RABGEF1: variants seen among roughly 807,000 people sequenced by gnomAD.
The protein encoded by RABGEF1 is rab5 GDP/GTP exchange factor.
Under a neutral mutation model 57.3 loss-of-function variants are expected in RABGEF1, and 26 were observed. That is an observed-to-expected ratio of 0.45 (90% CI 0.33 to 0.63). The LOEUF is 0.63. Among genes scored for constraint, RABGEF1 ranks in the 20% least tolerant of loss-of-function variants. The probability of loss-of-function intolerance (pLI) is 0.02; values close to 1 mark genes in which losing one functional copy is unlikely to be tolerated. For synonymous variants in RABGEF1, 185 were observed against 210.7 expected (o/e 0.88, Z 1.06); for missense variants, 464 against 607.6 (o/e 0.76, Z 2.48).
rs1284822357 is a variant in RABGEF1, at chr7:66,772,076, G to A, written c.177G>A (p.Glu59=). 1 of 1,525,900 alleles carries A rather than the reference G, an allele frequency of 6.6e-7. No homozygotes were observed. The highest frequency in any genetic ancestry group is 8.8e-7 in the Non-Finnish European group (1 of 1,134,314). 94.5% of individuals were successfully genotyped at this position (1,525,900 alleles called of 1,614,324 possible). The part of the protein sequence containing the change: ...KQIQEDWELA[E]RLQREEEEAF... ...TTCAGGAGGACTGGGAGCTGGCGGA[G>A]CGGTAAAAGGACTTAACTAGGGGCG... Residue 59 remains glutamate, a splice_region_variant and synonymous_variant, in exon 2 of 9, where the codon GAG becomes GAA. Transcript: ENST00000284957.
At chr7:66,795,737 AT>A in intron 5 of RABGEF1, 145 bp downstream of exon 5, 1 of 753,656 alleles carries the variant, frequency 1.3e-6, no homozygotes, top group Non-Finnish European at 2.3e-6. Flanking sequence ...AACTGGTCTT[AT>A]ACTTAGCAGT....
upstream of RABGEF1, chr7:66,740,020 C>G (rs533572507): frequency 2.3e-4 from 35 of 152,348 alleles, no homozygotes; most frequent in African/African-American, 8.2e-4. Context: ...GTCACCCGGC[C>G]TGGAGTTCAG....
intron 1 of RABGEF1, among the ~76,000 whole-genome samples, chr7:66,753,695 G>T (rs1801969299): frequency 7.8e-6 from 1 of 128,490 alleles, no homozygotes. Context: ...TGTCTATTTT[G>T]CCATCGTTTT....
intron 2 of RABGEF1, among the ~76,000 whole-genome samples, chr7:66,730,310 C>T (rs781338543): frequency 5.3e-5 from 8 of 152,182 alleles, no homozygotes; most frequent in Non-Finnish European, 5.9e-5. Context: ...TTCTGCTGAG[C>T]GCCAGCTTCC....
chr7:66,668,767 A>G, the RABGEF1 span: 1 of 152,192 alleles, frequency 6.6e-6, no homozygotes, highest in Non-Finnish European at 1.5e-5. Flanking sequence ...CTGGAAGATC[A>G]CCTCTTAGGC....
chr7:66,787,407 G>C (rs1315441423), intron 4 of RABGEF1, among the ~76,000 whole-genome samples: 2 of 144,938 alleles, frequency 1.4e-5, no homozygotes, highest in East Asian at 4.1e-4. Flanking sequence ...GCAGTGGCGT[G>C]ATTTCGGCTC....
intron 1 of RABGEF1, among the ~76,000 whole-genome samples, chr7:66,709,233 T>A (rs918544827): frequency 5.3e-5 from 8 of 152,126 alleles, no homozygotes; most frequent in African/African-American, 1.9e-4. Flanking sequence ...GGTCTCGAAA[T>A]CCTGACCTCA....
At position 66,795,498 on chromosome 7, in the gene RABGEF1, C is replaced by G; in HGVS notation, c.514-13C>G. ...GTTCAGCTACAAGCAGCCTCTTTGT[C>G]TCTCTGTTTCAGGATCTAAGCATTG... On this transcript the variant is annotated splice_polypyrimidine_tract_variant and intron_variant, in intron 4 of 8. Coordinates refer to ENST00000284957, the MANE Select transcript of RABGEF1 (RefSeq NM_014504.3). 6.3e-7 allele frequency: 1 copy of G among 1,593,922 alleles called. No homozygotes were observed. Among genetic ancestry groups the G allele is most frequent in the Non-Finnish European group, 8.6e-7 (1 of 1,161,634 alleles).
chr7:66,689,983 A>G (rs1306465727), intron 1 of RABGEF1, among the ~76,000 whole-genome samples: 2 of 152,176 alleles, frequency 1.3e-5, no homozygotes, highest in African/African-American at 2.4e-5. Flanking sequence ...CTTGAAGAGG[A>G]GGAAATACTT....
chr7:66,769,185 T>G (rs1180908624), intron 1 of RABGEF1, among the ~76,000 whole-genome samples: 3 of 152,212 alleles, frequency 2.0e-5, no homozygotes, highest in Non-Finnish European at 4.4e-5. Flanking sequence ...GACAGCTGGG[T>G]GATACTTCCA....
At chr7:66,656,381 G>T in the RABGEF1 span, among the ~76,000 whole-genome samples, 1 of 151,898 alleles carries the variant, frequency 6.6e-6, no homozygotes, top group African/African-American at 2.4e-5. Flanking sequence ...GTCTCCCAAT[G>T]TGCTGAAATT....
At chr7:66,777,351 C>A (rs1808797433) in intron 3 of RABGEF1, among the ~76,000 whole-genome samples, 1 of 152,074 alleles carries the variant, frequency 6.6e-6, no homozygotes, top group African/African-American at 2.4e-5. Context: ...TGAGTTTGTG[C>A]ATGAGAACTC....
chr7:66,746,550 A>G (rs2129055378), intron 1 of RABGEF1, among the ~76,000 whole-genome samples: 1 of 151,504 alleles, frequency 6.6e-6, no homozygotes, highest in Non-Finnish European at 1.5e-5. Flanking sequence ...CGGCCTCCCA[A>G]AGTGCTGCGA....
At chr7:66,749,339 T>C (rs2129058741) in intron 1 of RABGEF1, among the ~76,000 whole-genome samples, 1 of 152,328 alleles carries the variant, frequency 6.6e-6, no homozygotes, top group South Asian at 2.1e-4. Context: ...AAACAGTGGG[T>C]GAAACTGCCC....
chr7:66,735,684 C>A (rs1457068524), intron 2 of RABGEF1, among the ~76,000 whole-genome samples: 2 of 151,860 alleles, frequency 1.3e-5, no homozygotes, highest in Non-Finnish European at 1.5e-5. Context: ...GCACCTCCCC[C>A]TCTCTCTCTC....
chr7:66,683,178 A>G (rs117296219), intron 1 of RABGEF1, among the ~76,000 whole-genome samples: 2,239 of 152,060 alleles, frequency 0.015, 62 homozygotes, highest in East Asian at 0.093. Context: ...GGATCTCACA[A>G]TGTTACCCAG....
the RABGEF1 span, among the ~76,000 whole-genome samples, chr7:66,655,211 A>G: frequency 1.3e-5 from 2 of 152,142 alleles, no homozygotes; most frequent in African/African-American, 2.4e-5. Context: ...GCTGAGGGCG[A>G]GGCTGCAGGG....
intron 1 of RABGEF1, among the ~76,000 whole-genome samples, chr7:66,685,061 G>C (rs1790390102): frequency 6.6e-6 from 1 of 151,832 alleles, no homozygotes; most frequent in Non-Finnish European, 1.5e-5. Flanking sequence ...CACTGCACCC[G>C]GCCTTAAAAT....
At chr7:66,678,984 A>G (rs1789500493), upstream of RABGEF1, among the ~76,000 whole-genome samples, 1 of 152,212 alleles carries the variant, frequency 6.6e-6, no homozygotes, top group South Asian at 2.1e-4. Flanking sequence ...TTAGCAGTGG[A>G]ATCATAAAGT....
Sources: allele counts gnomAD v4.1 joint callset (sites outside exome capture counted in the v4.1 genomes callset), GRCh38; gene constraint gnomAD v4.1.1; transcripts MANE v1.5; gene names NCBI Gene and HGNC (gene_info 2026-07-23, HGNC 2026-07-21).